RYR2: variants seen among roughly 807,000 people sequenced by gnomAD.
RYR2 encodes the protein cardiac muscle ryanodine receptor-calcium release channel.
Under a neutral mutation model 601.1 loss-of-function variants are expected in RYR2, and 227 were observed. That is an observed-to-expected ratio of 0.38 (90% confidence interval 0.34 to 0.42). RYR2 has a LOEUF of 0.42. Among genes scored for constraint, RYR2 ranks in the 10% least tolerant of loss-of-function variants. RYR2 has a pLI of 1.00. For missense variants in RYR2, 4,646 were observed against 6,156.5 expected, an observed-to-expected ratio of 0.75 and a Z score of 8.21; for synonymous variants, 2,223 against 2,175.1, an observed-to-expected ratio of 1.02 and a Z score of -0.61.
intron 3 of RYR2, among the ~76,000 whole-genome samples, chr1:237,350,602 A>AAAATATAT (rs1558665984): frequency 5.4e-5 from 2 of 37,006 alleles, no homozygotes; most frequent in African/African-American, 1.0e-4. Flanking sequence ...AAAAAAAAAA[A>AAAATATAT]ATATATATAT....
chr1:237,337,649 T>C (rs1697375303), intron 3 of RYR2, among the ~76,000 whole-genome samples: 1 of 152,166 alleles, frequency 6.6e-6, no homozygotes, highest in South Asian at 2.1e-4. Flanking sequence ...AATCGTGGCA[T>C]GCAAGAAGCA....
At chr1:237,364,050 A>T (rs775876168) in intron 4 of RYR2, among the ~76,000 whole-genome samples, 6 of 152,174 alleles carry the variant, frequency 3.9e-5, no homozygotes, top group Non-Finnish European at 5.9e-5. Flanking sequence ...TTTTAAGATG[A>T]TACCTTTTTT....
intron 2 of RYR2, among the ~76,000 whole-genome samples, chr1:237,272,576 G>T (rs963309676): frequency 3.4e-5 from 5 of 148,236 alleles, no homozygotes; most frequent in African/African-American, 7.4e-5. Flanking sequence ...TATTAGTGGA[G>T]TAATCTAATT....
rs370506904 is a variant in RYR2, at chr1:237,803,514, A to G, written c.14151+1598A>G. Among the ~76,000 whole-genome samples, 63 of 152,054 alleles carry G rather than the reference A, an allele frequency of 4.1e-4. No individual in the cohort carries two copies. In the South Asian group the frequency reaches 0.011, roughly 28 times the overall value. On this transcript the variant is annotated intron_variant, in intron 98 of 104. Transcript: ENST00000366574. ...ACGGGGTTTCACCATGTTAGCCAGG[A>G]TGGTCTCGATCTCCTGACCTCGTGA...
Position 237,503,398 on chromosome 1 carries a change from C to T in RYR2, c.2506C>T (p.His836Tyr). 1.2e-6 allele frequency: 2 copies of T among 1,613,918 alleles called. No homozygotes were observed. The highest frequency in any genetic ancestry group is 8.5e-7 in the Non-Finnish European group (1 of 1,179,888). ...VLPKEKLKVE[H>Y]SREYKQERTY... ...GCCAAAAGAAAAGTTGAAAGTGGAA[C>T]ACAGCCGAGAGTACAAGCAAGAAAG... Residue 836 changes from histidine (H) to tyrosine (Y), a missense_variant, in exon 22 of 105, where the codon CAC (histidine) becomes TAC (tyrosine). His to Tyr is a moderately conservative substitution (Grantham distance 83, BLOSUM62 2). Transcript: ENST00000366574.
intron 2 of RYR2, among the ~76,000 whole-genome samples, chr1:237,296,460 T>C (rs1379888766): frequency 6.6e-6 from 1 of 152,084 alleles, no homozygotes; most frequent in Non-Finnish European, 1.5e-5. Context: ...CAGATTGGAT[T>C]TAAGAGGTAA....
intron 38 of RYR2, 22 bp from the exon 39 acceptor site, chr1:237,623,743 T>G: frequency 6.8e-7 from 1 of 1,477,182 alleles, no homozygotes; most frequent in Non-Finnish European, 9.5e-7. Context: ...TTCTTCCTCT[T>G]TCTTGTTTTT....
In RYR2 at chr1:237,676,417, A is replaced by G. The variant is rs544393935; in HGVS notation, c.8830+1571A>G. 7.9e-5 allele frequency among the ~76,000 whole-genome samples: 12 copies of G among 152,256 alleles called. No homozygotes were observed. The South Asian group carries it at 1.0e-3, about 13-fold the overall frequency. On this transcript the variant is annotated intron_variant, in intron 60 of 104. Transcript: ENST00000366574. ...CTACCCACTTGACACATTTCATTCTATCCACAGGGTAGAGGGCCTTATAAA... is the reference window on the plus strand; with the variant it reads ...CTACCCACTTGACACATTTCATTCTGTCCACAGGGTAGAGGGCCTTATAAA...
intron 40 of RYR2, among the ~76,000 whole-genome samples, chr1:237,626,415 C>G (rs1478119084): frequency 6.6e-6 from 1 of 151,670 alleles, no homozygotes; most frequent in East Asian, 1.9e-4. Context: ...AAAAAATAAA[C>G]TTACGAAAAC....
chr1:237,357,967 CTCTTTTTT>C (rs1379340196), intron 4 of RYR2, among the ~76,000 whole-genome samples: 3 of 152,104 alleles, frequency 2.0e-5, no homozygotes, highest in Admixed American at 2.0e-4. Context: ...TAGATTGGAG[CTCTTTTTT>C]TCTTTGAAGA....
At chr1:237,335,867 G>T (rs995018525) in intron 3 of RYR2, among the ~76,000 whole-genome samples, 1 of 152,030 alleles carries the variant, frequency 6.6e-6, no homozygotes, top group African/African-American at 2.4e-5. Context: ...AGTTATGGAT[G>T]ATACTTTAAA....
Position 237,786,496 on chromosome 1 carries a change from C to G in RYR2, c.13328+460C>G, listed in dbSNP as rs192492953. ...CCAGGACCACATGCATAAAAGTCCC[C>G]GGGAGAGTTGGTTAAAACAAACATT... On this transcript the variant is annotated intron_variant, in intron 91 of 104. Transcript: ENST00000366574. Among the ~76,000 whole-genome samples, 10 of 152,326 alleles carry G rather than the reference C, an allele frequency of 6.6e-5. 2 individuals are homozygous for G. The highest frequency in any genetic ancestry group is 2.2e-4 in the African/African-American group (9 of 41,576).
chr1:237,451,540 C>T (rs929271976), intron 14 of RYR2, among the ~76,000 whole-genome samples: 12 of 148,120 alleles, frequency 8.1e-5, no homozygotes, highest in African/African-American at 3.0e-4. Flanking sequence ...AAGATCATAC[C>T]ACTGCACTCC....
chr1:237,761,293 T>A (rs1220935346), intron 84 of RYR2, among the ~76,000 whole-genome samples: 1 of 152,182 alleles, frequency 6.6e-6, no homozygotes, highest in African/African-American at 2.4e-5. Context: ...AATGGTTGAA[T>A]GAAGGATCAA....
chr1:237,420,090 A>G lies in RYR2; in HGVS notation c.848+2967A>G, dbSNP rs531322034. On this transcript the variant is annotated intron_variant, in intron 11 of 104. Coordinates refer to ENST00000366574, the MANE Select transcript of RYR2 (RefSeq NM_001035.3). ...ATGTGGCCCATTCATTATATATTTTATACTGCATACTCTTACACATGAAAC... is the reference window on the plus strand; with the variant it reads ...ATGTGGCCCATTCATTATATATTTTGTACTGCATACTCTTACACATGAAAC... 3.0e-4 allele frequency among the ~76,000 whole-genome samples: 46 copies of G among 152,238 alleles called. No individual in the cohort carries two copies. In the South Asian group the frequency reaches 9.1e-3, roughly 30 times the overall value.
At position 237,792,128 on chromosome 1, in the gene RYR2, A is replaced by G. The variant is rs1658448444; in HGVS notation, c.13587A>G (p.Glu4529=). The G allele has an allele frequency of 6.2e-7, 1 of 1,602,538 alleles. No individual in the cohort carries two copies. The highest frequency in any genetic ancestry group is 8.5e-7 in the Non-Finnish European group (1 of 1,174,334). ...FYKVSTSSVV[E]GKELPTRSSS... ...AGGTCTCCACTTCTTCTGTGGTTGA[A>G]GGAAAGGAGCTCCCCACGAGAAGTT... The change falls in exon 94 of 105, where the codon GAA becomes GAG. Residue 4529 remains glutamate, a synonymous_variant. Coordinates refer to ENST00000366574, the MANE Select transcript of RYR2 (RefSeq NM_001035.3).
chr1:237,697,346 T>C (rs1231285359), intron 63 of RYR2, among the ~76,000 whole-genome samples: 1 of 142,790 alleles, frequency 7.0e-6, no homozygotes, highest in African/African-American at 2.6e-5. Flanking sequence ...ATATATAGTA[T>C]ATATATATAA....
intron 1 of RYR2, among the ~76,000 whole-genome samples, chr1:237,149,342 CA>C (rs1204209790): frequency 6.6e-6 from 1 of 150,544 alleles, no homozygotes; most frequent in African/African-American, 2.4e-5. Context: ...CAAAAACAAA[CA>C]AAAAACCCCC....
chr1:237,063,909 C>T (rs567465925), intron 1 of RYR2, among the ~76,000 whole-genome samples: 8 of 152,126 alleles, frequency 5.3e-5, no homozygotes, highest in Non-Finnish European at 1.0e-4. Flanking sequence ...ATTCTGGCTT[C>T]CATTATTTCT....
Sources: allele counts gnomAD v4.1 joint callset (sites outside exome capture counted in the v4.1 genomes callset), GRCh38; gene constraint gnomAD v4.1.1; transcripts MANE v1.5; gene names NCBI Gene and HGNC (gene_info 2026-07-23, HGNC 2026-07-21).